The following FLT3 variants were observed in gnomAD, a reference collection of about 807,000 sequenced individuals.
The protein encoded by FLT3 is fms related receptor tyrosine kinase 3.
Under a neutral mutation model 126.6 loss-of-function variants are expected in FLT3, and 46 were observed. That is an observed-to-expected ratio of 0.36 (90% CI 0.29 to 0.46). The LOEUF is 0.46. FLT3 is among the 20% of genes least tolerant of loss of function. The pLI is 1.00. For synonymous variants in FLT3, 404 were observed against 434.4 expected (o/e 0.93, Z 0.87); for missense variants, 1,069 against 1,190.3 (o/e 0.90, Z 1.50).
At chr13:28,094,106 T>A (rs1879299222) in intron 1 of FLT3, among the ~76,000 whole-genome samples, 1 of 152,194 alleles carries the variant, frequency 6.6e-6, no homozygotes, top group South Asian at 2.1e-4. Flanking sequence ...ATCTCCTTTT[T>A]ACAAATGAGG....
Position 28,076,786 on chromosome 13 carries a change from G to A in FLT3, c.44-6174C>T, listed in dbSNP as rs149469036. On this transcript the variant is annotated intron_variant, in intron 1 of 23. Transcript: ENST00000241453. ...CTACAAAAAATACAAAATTAGCCAGGTGTGGTAGCATGTATCTGTAGTCCC... is the reference window on the plus strand; with the variant it reads ...CTACAAAAAATACAAAATTAGCCAGATGTGGTAGCATGTATCTGTAGTCCC... Among the ~76,000 whole-genome samples, 101 of 152,204 alleles carry A rather than the reference G, an allele frequency of 6.6e-4. No individual in the cohort carries two copies. In the East Asian group the frequency reaches 0.018, roughly 27 times the overall value.
At chr13:28,098,114 A>G (rs988176722) in intron 1 of FLT3, among the ~76,000 whole-genome samples, 22 of 152,052 alleles carry the variant, frequency 1.4e-4, no homozygotes, top group African/African-American at 5.1e-4. Context: ...CAGGAGTTCG[A>G]GACCAGCCTG....
chr13:28,079,112 ATC>A (rs1878154543), intron 1 of FLT3, among the ~76,000 whole-genome samples: 1 of 152,206 alleles, frequency 6.6e-6, no homozygotes, highest in African/African-American at 2.4e-5. Flanking sequence ...TACTCAAGTC[ATC>A]TCTTGAATGT....
intron 1 of FLT3, among the ~76,000 whole-genome samples, chr13:28,076,967 G>C (rs1474445712): frequency 8.2e-6 from 1 of 122,192 alleles, no homozygotes; most frequent in Non-Finnish European, 1.8e-5. Flanking sequence ...AGGAAAGAAG[G>C]AAGGGAGGGA....
chr13:28,087,223 T>C (rs1878733098), intron 1 of FLT3, among the ~76,000 whole-genome samples: 1 of 152,026 alleles, frequency 6.6e-6, no homozygotes, highest in South Asian at 2.1e-4. Flanking sequence ...GGACACACCA[T>C]CATGCCTGGC....
At position 28,055,788 on chromosome 13, in the gene FLT3, A is replaced by C. The variant is rs9319412; in HGVS notation, c.484+1559T>G. ...TTATACTTGGCAAGAAAATTTTAAA[A>C]GGAGAGAAAAAAGGAGAAAGAGGAA... On this transcript the variant is annotated intron_variant, in intron 4 of 23. Transcript: ENST00000241453. 8.1e-3 allele frequency among the ~76,000 whole-genome samples: 1,240 copies of C among 152,340 alleles called. 6 individuals carry two copies. The highest frequency in any genetic ancestry group is 0.013 in the Non-Finnish European group (860 of 68,038).
chr13:28,080,988 A>T (rs755070976), intron 1 of FLT3, among the ~76,000 whole-genome samples: 1 of 152,130 alleles, frequency 6.6e-6, no homozygotes, highest in Non-Finnish European at 1.5e-5. Context: ...TGTTCCATTA[A>T]TCTGTTTGTC....
chr13:28,048,362 A>G lies in FLT3; in HGVS notation c.1118T>C (p.Phe373Ser). Residue 373 changes from phenylalanine (F) to serine (S), a missense_variant, in exon 9 of 24, where the codon TTT (phenylalanine) becomes TCT (serine). Transcript: ENST00000241453. Reference sequence around the variant, plus strand: ...ACATCTGATTTGTGGGTAGGCTTTAAACCTGACAGAAAAACAAAACTCTTC... The same window carrying G: ...ACATCTGATTTGTGGGTAGGCTTTAGACCTGACAGAAAAACAAAACTCTTC... ...QYEEFCFSVR[F>S]KAYPQIRCTW... 6.2e-7 allele frequency: 1 copy of G among 1,613,374 alleles called. No homozygotes were observed. The highest frequency in any genetic ancestry group is 1.1e-5 in the South Asian group (1 of 91,064).
intron 1 of FLT3, among the ~76,000 whole-genome samples, chr13:28,075,390 AC>A (rs1431260172): frequency 6.6e-6 from 1 of 152,168 alleles, no homozygotes; most frequent in Non-Finnish European, 1.5e-5. Flanking sequence ...TATCGTATGT[AC>A]CCCATAAATA....
At chr13:28,075,864 C>T (rs954789102) in intron 1 of FLT3, among the ~76,000 whole-genome samples, 1 of 151,032 alleles carries the variant, frequency 6.6e-6, no homozygotes, top group African/African-American at 2.4e-5. Flanking sequence ...GGCACCATCT[C>T]GGCTCACTGC....
Position 28,091,304 on chromosome 13 carries a change from C to T in FLT3, c.43+9164G>A, listed in dbSNP as rs558893690. ...TGGCGCGATCTCGGCTCACTGCAAG[C>T]TCCGCCTCCCGGGTTCACGCCATTC... On this transcript the variant is annotated intron_variant, in intron 1 of 23. Transcript: ENST00000241453. Among the ~76,000 whole-genome samples, 14 of 136,222 alleles carry T rather than the reference C, an allele frequency of 1.0e-4. No individual in the cohort carries two copies. In the East Asian group the frequency reaches 3.1e-3, roughly 31 times the overall value. 89.4% of individuals were successfully genotyped at this position (136,222 alleles called of 152,430 possible). A position where few individuals can be genotyped will look rare whatever the true frequency, so the allele number is the denominator to read the frequency against.
chr13:28,034,428 T>A (rs1258323558), intron 12 of FLT3, 21 bp from the exon 13 acceptor site: 1 of 1,528,608 alleles, frequency 6.5e-7, no homozygotes, highest in East Asian at 2.3e-5. Context: ...AGAGTGTCAC[T>A]CAGCGATGAA....
chr13:28,045,234 T>C (rs1477218373), intron 9 of FLT3, among the ~76,000 whole-genome samples: 2 of 152,210 alleles, frequency 1.3e-5, no homozygotes, highest in Non-Finnish European at 2.9e-5. Context: ...CAAAAGGTTA[T>C]ACCAGATATC....
intron 16 of FLT3, 55 bp from the exon 17 acceptor site, chr13:28,027,296 G>T: frequency 2.1e-6 from 3 of 1,455,816 alleles, no homozygotes; most frequent in Non-Finnish European, 1.9e-6. Context: ...TGTTATTTCA[G>T]AAGTCTATGT....
intron 1 of FLT3, among the ~76,000 whole-genome samples, chr13:28,097,562 TTACTA>T (rs1879538774): frequency 6.6e-6 from 1 of 152,202 alleles, no homozygotes; most frequent in South Asian, 2.1e-4. Flanking sequence ...AGAGGATAAT[TTACTA>T]TAGATAGACG....
At chr13:28,056,755 T>A (rs1876040967) in intron 4 of FLT3, among the ~76,000 whole-genome samples, 1 of 152,188 alleles carries the variant, frequency 6.6e-6, no homozygotes, top group South Asian at 2.1e-4. Flanking sequence ...CATTCCAATT[T>A]TAACAAATTA....
At position 28,024,954 on chromosome 13, in the gene FLT3, A is replaced by G; in HGVS notation, c.2208-11T>C. 1 of 1,589,410 alleles carries G rather than the reference A, an allele frequency of 6.3e-7. No individual in the cohort carries two copies. The highest frequency in any genetic ancestry group is 8.6e-7 in the Non-Finnish European group (1 of 1,165,914). ...CTTGAACCAGGCATGCTATTAAAAA[A>G]TTTTGTTTTTTCATTATTTACATTA... On this transcript the variant is annotated splice_polypyrimidine_tract_variant and intron_variant, in intron 17 of 23. Transcript: ENST00000241453.
rs113600669 is a variant in FLT3, at chr13:28,012,764, G to A, written c.2859+1688C>T. 9.0e-3 allele frequency among the ~76,000 whole-genome samples: 1,372 copies of A among 151,960 alleles called. 19 individuals carry two copies. Among genetic ancestry groups the A allele is most frequent in the African/African-American group, 0.03 (1,260 of 41,456 alleles). On this transcript the variant is annotated intron_variant, in intron 23 of 23. Coordinates refer to ENST00000241453, the MANE Select transcript of FLT3 (RefSeq NM_004119.3). ...AGCCTGGGCAACATAGTGAGAGCCC[G>A]TGTCTACCAAAAATACAAAAAAAAT...
At chr13:28,065,909 G>T (rs895706280) in intron 2 of FLT3, among the ~76,000 whole-genome samples, 11 of 151,942 alleles carry the variant, frequency 7.2e-5, no homozygotes, top group African/African-American at 2.7e-4. Flanking sequence ...GGCCGAGGCA[G>T]GCAGATTGCT....
Sources: allele counts gnomAD v4.1 joint callset (sites outside exome capture counted in the v4.1 genomes callset), GRCh38; gene constraint gnomAD v4.1.1; transcripts MANE v1.5; gene names NCBI Gene and HGNC (gene_info 2026-07-23, HGNC 2026-07-21).